MEMO1: variants seen among roughly 807,000 people sequenced by gnomAD.
MEMO1 encodes protein MEMO1.
Under a neutral mutation model 45.2 loss-of-function variants are expected in MEMO1, and 6 were observed. The ratio of observed to expected loss-of-function variants is 0.13; its 90% CI spans 0.07 to 0.26. MEMO1 has a LOEUF of 0.26. Ranked by LOEUF, MEMO1 falls within the 10% of genes least tolerant of loss-of-function variation. The pLI is 1.00. For synonymous variants in MEMO1, 78 were observed against 124.3 expected (o/e 0.63, Z 2.48); for missense variants, 184 against 370.5 (o/e 0.50, Z 4.13).
At chr2:31,997,527 G>C (rs1341541098) in intron 2 of MEMO1, among the ~76,000 whole-genome samples, 1 of 152,040 alleles carries the variant, frequency 6.6e-6, no homozygotes. Flanking sequence ...CTCTCCTCCT[G>C]TGACTAACAA....
intron 5 of MEMO1, among the ~76,000 whole-genome samples, chr2:31,918,379 G>C (rs553092490): frequency 1.5e-4 from 23 of 152,034 alleles, no homozygotes; most frequent in Admixed American, 7.2e-4. Context: ...AATCACCTTC[G>C]GGTCTAGGCT....
At chr2:31,946,226 G>A (rs989528616) in intron 2 of MEMO1, among the ~76,000 whole-genome samples, 4 of 152,102 alleles carry the variant, frequency 2.6e-5, no homozygotes, top group Non-Finnish European at 5.9e-5. Flanking sequence ...TGTCAATCTG[G>A]ATATGAAATG....
At chr2:32,007,780 A>T (rs886226482) in intron 2 of MEMO1, among the ~76,000 whole-genome samples, 1 of 152,252 alleles carries the variant, frequency 6.6e-6, no homozygotes, top group African/African-American at 2.4e-5. Context: ...TTATCAATGT[A>T]GGTACACTGA....
At chr2:31,877,903 T>C (rs1394754709) in intron 8 of MEMO1, among the ~76,000 whole-genome samples, 2 of 152,238 alleles carry the variant, frequency 1.3e-5, no homozygotes, top group African/African-American at 2.4e-5. Flanking sequence ...ATTTATTCAT[T>C]TGAAAAATAT....
At chr2:31,925,153 T>G (rs1682891413) in intron 4 of MEMO1, among the ~76,000 whole-genome samples, 1 of 152,116 alleles carries the variant, frequency 6.6e-6, no homozygotes, top group Non-Finnish European at 1.5e-5. Context: ...CATGCTATTG[T>G]TCCCCATTGC....
chr2:31,995,689 A>C (rs1672506045), intron 2 of MEMO1, among the ~76,000 whole-genome samples: 1 of 152,008 alleles, frequency 6.6e-6, no homozygotes, highest in African/African-American at 2.4e-5. Flanking sequence ...GAGTGTCAGA[A>C]ATACAAAAAG....
intron 3 of MEMO1, among the ~76,000 whole-genome samples, chr2:31,933,348 A>ATATATATAT (rs869203385): frequency 1.9e-4 from 3 of 16,178 alleles, no homozygotes; most frequent in African/African-American, 2.4e-4. Flanking sequence ...AAAAAAAAAA[A>ATATATATAT]ATTTATATAT....
intron 2 of MEMO1, among the ~76,000 whole-genome samples, chr2:31,950,780 A>G (rs573686003): frequency 6.6e-6 from 1 of 152,134 alleles, no homozygotes; most frequent in Non-Finnish European, 1.5e-5. Context: ...AAAAACAAAA[A>G]AATACTTATT....
intron 6 of MEMO1, among the ~76,000 whole-genome samples, chr2:31,894,378 C>A (rs1677415876): frequency 6.6e-6 from 1 of 152,188 alleles, no homozygotes. Context: ...GGAAAACCCA[C>A]ACTCAGTAGG....
At chr2:31,923,219 T>G (rs1251569682) in intron 4 of MEMO1, among the ~76,000 whole-genome samples, 1 of 152,168 alleles carries the variant, frequency 6.6e-6, no homozygotes, top group Non-Finnish European at 1.5e-5. Flanking sequence ...CTCTAGTGAT[T>G]AGTGATTATG....
intron 7 of MEMO1, among the ~76,000 whole-genome samples, chr2:31,887,440 AATCAC>A (rs1490775092): frequency 1.3e-5 from 2 of 152,208 alleles, no homozygotes. Flanking sequence ...ACATTTACTT[AATCAC>A]ATCGTTTATA....
chr2:31,961,366 G>A (rs935776744), intron 2 of MEMO1, among the ~76,000 whole-genome samples: 2 of 151,858 alleles, frequency 1.3e-5, no homozygotes, highest in African/African-American at 4.8e-5. Context: ...AAAAAAAAGA[G>A]GCAACAATAT....
intron 5 of MEMO1, among the ~76,000 whole-genome samples, chr2:31,918,465 T>G (rs554773385): frequency 3.3e-5 from 5 of 152,228 alleles, no homozygotes; most frequent in Admixed American, 1.3e-4. Context: ...AAACCACTAG[T>G]CTATTTAACT....
intron 2 of MEMO1, among the ~76,000 whole-genome samples, chr2:31,969,234 C>G (rs937683169): frequency 6.6e-6 from 1 of 151,356 alleles, no homozygotes; most frequent in African/African-American, 2.4e-5. Flanking sequence ...GTTAGACTTA[C>G]TGGTAAGTGA....
chr2:31,978,883 A>T (rs540644678), intron 2 of MEMO1, among the ~76,000 whole-genome samples: 2 of 152,086 alleles, frequency 1.3e-5, no homozygotes, highest in South Asian at 4.2e-4. Context: ...ATGTCTCAAA[A>T]TTTTTTTCAT....
chr2:31,894,201 G>C (rs1010468122), intron 6 of MEMO1, among the ~76,000 whole-genome samples: 6 of 152,120 alleles, frequency 3.9e-5, no homozygotes, highest in Non-Finnish European at 7.4e-5. Context: ...AATGAGAAGA[G>C]CATGTTCATG....
At chr2:31,977,494 ATTAAT>A (rs1217355228) in intron 2 of MEMO1, among the ~76,000 whole-genome samples, 3 of 152,074 alleles carry the variant, frequency 2.0e-5, no homozygotes, top group Non-Finnish European at 4.4e-5. Flanking sequence ...CTTGCTTTTA[ATTAAT>A]TTATTTACTT....
At chr2:31,988,439 C>T (rs1489281998) in intron 2 of MEMO1, among the ~76,000 whole-genome samples, 2 of 151,970 alleles carry the variant, frequency 1.3e-5, no homozygotes, top group Admixed American at 1.3e-4. Context: ...CCCAGCTACT[C>T]AGGAGGCTGA....
chr2:31,880,390 T>C (rs1675177239), intron 8 of MEMO1, among the ~76,000 whole-genome samples: 1 of 152,180 alleles, frequency 6.6e-6, no homozygotes, highest in Non-Finnish European at 1.5e-5. Flanking sequence ...GGATTTAAAG[T>C]AGCAACTAAG....
Sources: gnomAD v4.1 joint callset for allele counts (sites outside exome capture counted in the v4.1 genomes callset) on GRCh38, gnomAD v4.1.1 for gene constraint, MANE v1.5 for transcripts, NCBI Gene and HGNC (gene_info 2026-07-23, HGNC 2026-07-21) for gene names.